The following PCDHA10 variants were observed in gnomAD, a reference collection of about 807,000 sequenced individuals.
PCDHA10 encodes protocadherin alpha 10, also known as protocadherin alpha-10.
In PCDHA10, 45 loss-of-function variants were observed where a neutral mutation model predicts 61.2. The ratio of observed to expected loss-of-function variants is 0.74; its 90% CI spans 0.58 to 0.94. The LOEUF (loss-of-function observed/expected upper bound fraction) is 0.94. Among genes scored for constraint, PCDHA10 ranks in the 40% least tolerant of loss-of-function variants. The probability of loss-of-function intolerance (pLI) is 0.00; values close to 1 mark genes in which losing one functional copy is unlikely to be tolerated. For missense variants in PCDHA10, 1,278 were observed against 1,236.2 expected (o/e 1.03, Z -0.51); for synonymous variants, 602 against 548.8 (o/e 1.10, Z -1.35).
chr5:140,889,232 C>T (rs1365146997), intron 1 of PCDHA10, among the ~76,000 whole-genome samples: 6 of 151,736 alleles, frequency 4.0e-5, no homozygotes, highest in African/African-American at 1.4e-4. Context: ...TTGAAAACTT[C>T]CAGAAAATTT....
intron 1 of PCDHA10, among the ~76,000 whole-genome samples, chr5:140,937,096 G>A (rs1173485186): frequency 6.8e-6 from 1 of 146,810 alleles, no homozygotes; most frequent in Non-Finnish European, 1.5e-5. Context: ...GGAGTGCAGT[G>A]GCGCAGTCTC....
intron 1 of PCDHA10, among the ~76,000 whole-genome samples, chr5:140,921,714 C>T (rs942328848): frequency 2.0e-5 from 3 of 152,046 alleles, no homozygotes; most frequent in South Asian, 2.1e-4. Context: ...AGTAAACACA[C>T]GAATTACTCC....
At chr5:140,954,086 C>T (rs2094976679) in intron 1 of PCDHA10, among the ~76,000 whole-genome samples, 1 of 152,212 alleles carries the variant, frequency 6.6e-6, no homozygotes, top group African/African-American at 2.4e-5. Context: ...CTTCCAGCTC[C>T]ATCCATGTCC....
chr5:140,936,834 T>TA (rs1554211213), intron 1 of PCDHA10, among the ~76,000 whole-genome samples: 1 of 152,210 alleles, frequency 6.6e-6, no homozygotes, highest in African/African-American at 2.4e-5. Context: ...CATTTCTATA[T>TA]AAATTGTAGA....
At chr5:140,896,140 C>A (rs1415728420) in intron 1 of PCDHA10, among the ~76,000 whole-genome samples, 6 of 152,140 alleles carry the variant, frequency 3.9e-5, no homozygotes, top group Non-Finnish European at 7.4e-5. Flanking sequence ...ATCCAGTGCA[C>A]CATTGATGGG....
intron 1 of PCDHA10, among the ~76,000 whole-genome samples, chr5:140,964,657 G>A (rs2067599): frequency 0.18 from 27,796 of 151,812 alleles, 2,893 homozygotes; most frequent in African/African-American, 0.28. Context: ...TAATGGGTGA[G>A]GACACAGGCC....
intron 1 of PCDHA10, among the ~76,000 whole-genome samples, chr5:140,951,923 T>C (rs538525528): frequency 6.6e-6 from 1 of 152,214 alleles, no homozygotes; most frequent in South Asian, 2.1e-4. Flanking sequence ...ACAAGTTAGT[T>C]ACTCCCAAGA....
chr5:140,895,174 A>T (rs1554186407), intron 1 of PCDHA10, among the ~76,000 whole-genome samples: 2 of 152,150 alleles, frequency 1.3e-5, no homozygotes, highest in African/African-American at 4.8e-5. Context: ...ATCTATTTGT[A>T]GTCCCTTCTG....
At chr5:140,890,533 T>C (rs2062686259) in intron 1 of PCDHA10, among the ~76,000 whole-genome samples, 1 of 152,234 alleles carries the variant, frequency 6.6e-6, no homozygotes, top group South Asian at 2.1e-4. Context: ...TTGATCTTCT[T>C]TTGAAATGAC....
chr5:141,006,507 C>T (rs2098276539), intron 3 of PCDHA10, among the ~76,000 whole-genome samples: 1 of 152,156 alleles, frequency 6.6e-6, no homozygotes, highest in Admixed American at 6.5e-5. Flanking sequence ...GCCACCGCGC[C>T]TGGCTGTTAT....
chr5:140,903,124 T>C (rs1554190771), intron 1 of PCDHA10, among the ~76,000 whole-genome samples: 1 of 152,234 alleles, frequency 6.6e-6, no homozygotes, highest in Non-Finnish European at 1.5e-5. Context: ...TCTAAATCTT[T>C]AAGAAATCTC....
intron 1 of PCDHA10, among the ~76,000 whole-genome samples, chr5:140,931,650 T>C (rs2087656696): frequency 6.6e-6 from 1 of 152,016 alleles, no homozygotes; most frequent in South Asian, 2.1e-4. Flanking sequence ...CTAATAATTG[T>C]TGTGGGCTGG....
rs369541654 is a variant in PCDHA10 at position 141,010,673 on chromosome 5, A to G, written c.*736A>G. On this transcript the variant is annotated 3_prime_UTR_variant, in exon 4 of 4. Coordinates refer to ENST00000307360, the MANE Select transcript of PCDHA10 (RefSeq NM_018901.4). ...TTTTAACAGAGAACCACCCTGGGAAACAGAAGCAGATCTGATGTGTTTCCT... is the reference window on the plus strand; with the variant it reads ...TTTTAACAGAGAACCACCCTGGGAAGCAGAAGCAGATCTGATGTGTTTCCT... 8.1e-4 allele frequency: 133 copies of G among 163,824 alleles called. No individual in the cohort carries two copies. Among genetic ancestry groups the G allele is most frequent in the Non-Finnish European group, 5.5e-4 (41 of 74,388 alleles). 10.1% of individuals were successfully genotyped at this position (163,824 alleles called of 1,614,324 possible). A position where few individuals can be genotyped will look rare whatever the true frequency, so the allele number is the denominator to read the frequency against.
intron 1 of PCDHA10, among the ~76,000 whole-genome samples, chr5:140,957,285 G>A (rs1036077483): frequency 2.0e-5 from 3 of 152,144 alleles, no homozygotes; most frequent in Non-Finnish European, 4.4e-5. Context: ...CTTACCTGCA[G>A]TTTCACTCTG....
At chr5:140,987,941 G>A (rs1554249697) in intron 3 of PCDHA10, among the ~76,000 whole-genome samples, 1 of 152,104 alleles carries the variant, frequency 6.6e-6, no homozygotes, top group African/African-American at 2.4e-5. Flanking sequence ...ATTCTTACCT[G>A]TCTGACAAAA....
At chr5:140,979,384 G>A (rs1243693033) in intron 2 of PCDHA10, among the ~76,000 whole-genome samples, 3 of 151,896 alleles carry the variant, frequency 2.0e-5, no homozygotes, top group African/African-American at 7.3e-5. Context: ...ATTGTGCAAT[G>A]TATACATACA....
chr5:140,944,929 C>T (rs1387660974), intron 1 of PCDHA10, among the ~76,000 whole-genome samples: 1 of 152,052 alleles, frequency 6.6e-6, no homozygotes, highest in Non-Finnish European at 1.5e-5. Flanking sequence ...TGGTTTATGC[C>T]TTCTTTAGAT....
chr5:140,897,086 T>TA (rs1430532398), intron 1 of PCDHA10, among the ~76,000 whole-genome samples: 12 of 152,178 alleles, frequency 7.9e-5, no homozygotes, highest in Non-Finnish European at 1.6e-4. Flanking sequence ...TTCTATTTTT[T>TA]ATCCTCATTA....
chr5:140,870,910 A>G (rs2052532769), intron 1 of PCDHA10: 1 of 1,613,930 alleles, frequency 6.2e-7, no homozygotes, highest in South Asian at 1.1e-5. Context: ...CTCAGGCTAC[A>G]ACGCGTGGCT....
Sources: allele counts gnomAD v4.1 joint callset (sites outside exome capture counted in the v4.1 genomes callset), GRCh38; gene constraint gnomAD v4.1.1; transcripts MANE v1.5; gene names NCBI Gene and HGNC (gene_info 2026-07-23, HGNC 2026-07-21).